Variants in MCCC1 observed in about 807,000 individuals in gnomAD.
MCCC1 encodes methylcrotonyl-CoA carboxylase subunit 1, also known as methylcrotonoyl-CoA carboxylase subunit alpha, mitochondrial.
MCCC1 carries 64 observed loss-of-function variants against 83.8 expected under a neutral mutation model. The observed-to-expected ratio is 0.76, with a 90% confidence interval of 0.62 to 0.94. MCCC1 has a LOEUF of 0.94. Among genes scored for constraint, MCCC1 ranks in the 40% least tolerant of loss-of-function variants. MCCC1 has a pLI of 0.00. For missense variants in MCCC1, 807 were observed against 904.7 expected (o/e 0.89, Z 1.39); for synonymous variants, 322 against 315.4 (o/e 1.02, Z -0.22).
intron 10 of MCCC1, among the ~76,000 whole-genome samples, chr3:183,042,630 TAAG>T (rs1459539360): frequency 2.7e-5 from 4 of 145,706 alleles, no homozygotes; most frequent in African/African-American, 7.6e-5. Context: ...GCACAGCAGT[TAAG>T]AATGAAAGGA....
At chr3:183,022,712 C>T in intron 15 of MCCC1, 158 bp from the exon 16 acceptor site, 2 of 649,998 alleles carry the variant, frequency 3.1e-6, no homozygotes, top group Non-Finnish European at 5.1e-6. Context: ...AACTTTTCCC[C>T]TATTCCTAAC....
intron 1 of MCCC1, among the ~76,000 whole-genome samples, chr3:183,110,782 T>G (rs1719479390): frequency 6.6e-6 from 1 of 152,208 alleles, no homozygotes; most frequent in South Asian, 2.1e-4. Context: ...ATCTTATATT[T>G]AAGTCTTTAA....
chr3:183,017,532 T>C (rs1419590822), intron 17 of MCCC1, 195 bp from the exon 18 acceptor site: 1 of 586,950 alleles, frequency 1.7e-6, no homozygotes, highest in Non-Finnish European at 3.0e-6. Flanking sequence ...ACAGATTTGG[T>C]ATATAAACTT....
chr3:183,041,453 T>C, intron 11 of MCCC1, 114 bp downstream of exon 11: 1 of 1,130,588 alleles, frequency 8.8e-7, no homozygotes. Flanking sequence ...TTAAATTCTT[T>C]ATTTTAAAAT....
intron 1 of MCCC1, among the ~76,000 whole-genome samples, chr3:183,104,784 C>T (rs1719380445): frequency 6.6e-6 from 1 of 152,124 alleles, no homozygotes; most frequent in Non-Finnish European, 1.5e-5. Context: ...TAGCAGATAA[C>T]ATAAAGTTTA....
intron 11 of MCCC1, among the ~76,000 whole-genome samples, chr3:183,039,936 A>C (rs926071445): frequency 5.9e-5 from 9 of 151,892 alleles, no homozygotes. Context: ...CTCTACTAAA[A>C]ATACAAAAAA....
At chr3:183,070,489 C>T (rs1034035638) in intron 7 of MCCC1, among the ~76,000 whole-genome samples, 1 of 152,162 alleles carries the variant, frequency 6.6e-6, no homozygotes, top group Non-Finnish European at 1.5e-5. Context: ...AATCCCAGCA[C>T]TTTGGGAGGC....
intron 3 of MCCC1, among the ~76,000 whole-genome samples, chr3:183,089,476 T>TG (rs1401216137): frequency 7.9e-5 from 12 of 152,054 alleles, no homozygotes; most frequent in Non-Finnish European, 1.8e-4. Context: ...TAGCCGGCTA[T>TG]GGTAGCAAGT....
intron 10 of MCCC1, among the ~76,000 whole-genome samples, chr3:183,042,744 T>C (rs1401122968): frequency 6.6e-6 from 1 of 152,232 alleles, no homozygotes; most frequent in Non-Finnish European, 1.5e-5. Flanking sequence ...TATACTTACT[T>C]TGTCATCTAG....
chr3:183,105,204 C>T (rs1172980809), intron 1 of MCCC1, among the ~76,000 whole-genome samples: 4 of 152,124 alleles, frequency 2.6e-5, no homozygotes, highest in Non-Finnish European at 1.5e-5. Flanking sequence ...ATTAGCTGGG[C>T]GTGGTGGCAT....
At chr3:183,102,412 G>T (rs1461335467), upstream of MCCC1, among the ~76,000 whole-genome samples, 2 of 151,974 alleles carry the variant, frequency 1.3e-5, no homozygotes, top group Non-Finnish European at 2.9e-5. Context: ...CATGTGAAAA[G>T]AATAACACAC....
At chr3:183,091,100 G>C in intron 3 of MCCC1, 1 of 453,004 alleles carries the variant, frequency 2.2e-6, no homozygotes, top group Non-Finnish European at 4.4e-6. Flanking sequence ...AATACTCATT[G>C]CACAGAGTGA....
chr3:183,104,421 GA>G (rs1719375027), upstream of MCCC1, among the ~76,000 whole-genome samples: 1 of 152,094 alleles, frequency 6.6e-6, no homozygotes, highest in African/African-American at 2.4e-5. Context: ...CCCAGCCAGA[GA>G]AAGCTTCTCT....
At chr3:183,097,059 T>A (rs1718788331) in intron 1 of MCCC1, among the ~76,000 whole-genome samples, 1 of 152,242 alleles carries the variant, frequency 6.6e-6, no homozygotes, top group African/African-American at 2.4e-5. Context: ...AGATCCCACT[T>A]AACTGTAATC....
At chr3:183,072,878 G>C (rs6443850) in intron 4 of MCCC1, among the ~76,000 whole-genome samples, 136,403 of 152,214 alleles carry the variant, frequency 0.9, 61,494 homozygotes, top group East Asian at 1. Flanking sequence ...TAGTAACCAG[G>C]ATTTTACTTT....
At chr3:183,053,621 A>G (rs1206980209) in intron 8 of MCCC1, among the ~76,000 whole-genome samples, 1 of 151,556 alleles carries the variant, frequency 6.6e-6, no homozygotes, top group Non-Finnish European at 1.5e-5. Flanking sequence ...CCTGGCCAAC[A>G]TAGTGAAACC....
chr3:183,104,571 T>C (rs1719377091), intron 1 of MCCC1, among the ~76,000 whole-genome samples: 1 of 152,156 alleles, frequency 6.6e-6, no homozygotes, highest in Admixed American at 6.6e-5. Flanking sequence ...ATTTTGCAAC[T>C]CTTATCACAG....
intron 16 of MCCC1, among the ~76,000 whole-genome samples, chr3:183,021,008 C>T (rs565211732): frequency 2.8e-4 from 42 of 151,718 alleles, no homozygotes; most frequent in Admixed American, 1.2e-3. Context: ...TGCAGTGAGC[C>T]GAGATGGCAC....
chr3:183,115,685 C>G (rs1719576029), exon 1 of MCCC1: 1 of 152,106 alleles, frequency 6.6e-6, no homozygotes. Flanking sequence ...AACTCCATCT[C>G]TACTAAAAAT....
Sources: gnomAD v4.1 joint callset for allele counts (sites outside exome capture counted in the v4.1 genomes callset) on GRCh38, gnomAD v4.1.1 for gene constraint, MANE v1.5 for transcripts, NCBI Gene and HGNC (gene_info 2026-07-23, HGNC 2026-07-21) for gene names.